ELMO1: variants seen among roughly 807,000 people sequenced by gnomAD.
The protein encoded by ELMO1 is engulfment and cell motility protein 1.
ELMO1 carries 26 observed loss-of-function variants against 98.9 expected under a neutral mutation model. That is an observed-to-expected ratio of 0.26 (90% CI 0.19 to 0.36). ELMO1 has a LOEUF of 0.36. Ranked by LOEUF, ELMO1 falls within the 10% of genes least tolerant of loss-of-function variation. The pLI is 1.00. For synonymous variants in ELMO1, 346 were observed against 346.0 expected, an observed-to-expected ratio of 1.00 and a Z score of 0.00; for missense variants, 627 against 935.2, an observed-to-expected ratio of 0.67 and a Z score of 4.30.
intron 1 of ELMO1, among the ~76,000 whole-genome samples, chr7:37,440,801 T>C (rs983110962): frequency 6.8e-6 from 1 of 146,230 alleles, no homozygotes; most frequent in Non-Finnish European, 1.5e-5. Flanking sequence ...AACTGTGGGG[T>C]GGGGAGAGTT....
intron 1 of ELMO1, among the ~76,000 whole-genome samples, chr7:37,424,299 G>A (rs1804616930): frequency 1.3e-5 from 2 of 152,176 alleles, no homozygotes; most frequent in African/African-American, 2.4e-5. Context: ...TTCTCATACT[G>A]TACGAACATT....
chr7:37,239,185 A>C (rs1394839210), intron 7 of ELMO1, among the ~76,000 whole-genome samples: 2 of 150,768 alleles, frequency 1.3e-5, no homozygotes, highest in East Asian at 3.9e-4. Context: ...TTTTTTTCTG[A>C]GATGGAGTCT....
intron 9 of ELMO1, among the ~76,000 whole-genome samples, chr7:37,223,190 C>T (rs1029520120): frequency 5.3e-5 from 8 of 152,076 alleles, no homozygotes; most frequent in African/African-American, 1.7e-4. Context: ...ACAAAAAGAA[C>T]AGGTGTTTGT....
At chr7:37,044,939 A>G (rs1584558813) in intron 15 of ELMO1, among the ~76,000 whole-genome samples, 1 of 152,182 alleles carries the variant, frequency 6.6e-6, no homozygotes, top group Non-Finnish European at 1.5e-5. Context: ...TTTAATTTCC[A>G]CGCTAGGTGT....
At chr7:36,898,422 GGT>G (rs147576173) in intron 16 of ELMO1, among the ~76,000 whole-genome samples, 2,888 of 152,266 alleles carry the variant, frequency 0.019, 85 homozygotes, top group African/African-American at 0.066. Flanking sequence ...CCATGTCAGT[GGT>G]GTGTTTCTGA....
At chr7:37,430,781 C>A (rs531607042) in intron 1 of ELMO1, among the ~76,000 whole-genome samples, 1 of 152,156 alleles carries the variant, frequency 6.6e-6, no homozygotes, top group Non-Finnish European at 1.5e-5. Context: ...TCTTGACAAC[C>A]ACACACTGGC....
intron 20 of ELMO1, among the ~76,000 whole-genome samples, chr7:36,865,545 A>G (rs545089635): frequency 1.1e-4 from 17 of 152,306 alleles, no homozygotes; most frequent in African/African-American, 4.1e-4. Flanking sequence ...TCTGAATTCA[A>G]CATTCCCAAT....
chr7:37,326,273 G>A (rs767761095), intron 2 of ELMO1, among the ~76,000 whole-genome samples: 7 of 152,076 alleles, frequency 4.6e-5, no homozygotes, highest in Non-Finnish European at 4.4e-5. Context: ...CTGAAAGATG[G>A]GCCAGGCACG....
At chr7:36,986,002 C>A in intron 16 of ELMO1, 1 of 1,002,704 alleles carries the variant, frequency 1.0e-6, no homozygotes. Flanking sequence ...TTAGAGTCGT[C>A]CCCCTGAAGA....
intron 16 of ELMO1, 140 bp downstream of exon 16, chr7:37,013,159 C>G: frequency 9.0e-7 from 1 of 1,113,484 alleles, no homozygotes; most frequent in Non-Finnish European, 1.3e-6. Flanking sequence ...TTGTCTTTCT[C>G]CATTCTTGAA....
At chr7:37,092,022 C>T (rs1471469531) in intron 15 of ELMO1, among the ~76,000 whole-genome samples, 3 of 152,124 alleles carry the variant, frequency 2.0e-5, no homozygotes, top group Non-Finnish European at 4.4e-5. Context: ...ACAGCCAAAC[C>T]ATATCATCCC....
intron 15 of ELMO1, among the ~76,000 whole-genome samples, chr7:37,043,881 T>C (rs553438400): frequency 5.3e-5 from 8 of 152,210 alleles, no homozygotes; most frequent in African/African-American, 1.9e-4. Flanking sequence ...CTGCTTTAGA[T>C]CAAGAACTCG....
At chr7:36,864,158 C>T (rs1304500067) in intron 20 of ELMO1, among the ~76,000 whole-genome samples, 4 of 152,156 alleles carry the variant, frequency 2.6e-5, no homozygotes, top group Non-Finnish European at 5.9e-5. Context: ...TGACAAGAGC[C>T]GGTGTGAACA....
At position 36,854,196 on chromosome 7, in the gene ELMO1, G is replaced by A. The variant is rs1393823628; in HGVS notation, c.*1355C>T. On this transcript the variant is annotated 3_prime_UTR_variant, in exon 22 of 22. Coordinates refer to ENST00000310758, the MANE Select transcript of ELMO1 (RefSeq NM_014800.11). ...CTATGGTGACCTAGCAATGGTGGAGGGTTTCCCACAGCAGTGTTTTTCAAA... is the reference window on the plus strand; with the variant it reads ...CTATGGTGACCTAGCAATGGTGGAGAGTTTCCCACAGCAGTGTTTTTCAAA... Among the ~76,000 whole-genome samples, 3 of 152,084 alleles carry A rather than the reference G, an allele frequency of 2.0e-5. No homozygotes were observed. The highest frequency in any genetic ancestry group is 6.5e-5 in the Admixed American group (1 of 15,270).
At chr7:36,871,033 TA>T (rs1803460454) in intron 19 of ELMO1, among the ~76,000 whole-genome samples, 1 of 152,246 alleles carries the variant, frequency 6.6e-6, no homozygotes, top group Non-Finnish European at 1.5e-5. Flanking sequence ...GCCATCTCAT[TA>T]ATTCTATAAA....
At chr7:37,090,043 G>A (rs1042901527) in intron 15 of ELMO1, among the ~76,000 whole-genome samples, 1 of 152,144 alleles carries the variant, frequency 6.6e-6, no homozygotes, top group African/African-American at 2.4e-5. Flanking sequence ...ACACCTAAAA[G>A]AGATCCACCG....
At chr7:37,312,575 T>G (rs1299901329) in intron 4 of ELMO1, among the ~76,000 whole-genome samples, 1 of 152,170 alleles carries the variant, frequency 6.6e-6, no homozygotes, top group East Asian at 1.9e-4. Context: ...CAAGTCCCAC[T>G]CACTCTGAGT....
chr7:37,371,735 G>A (rs1457420661), intron 1 of ELMO1, among the ~76,000 whole-genome samples: 1 of 152,166 alleles, frequency 6.6e-6, no homozygotes, highest in Non-Finnish European at 1.5e-5. Context: ...CAAGATAACA[G>A]CAGACTCTCC....
In ELMO1 at chr7:36,968,959, C is replaced by T. The variant is rs1293568189; in HGVS notation, c.1437+44340G>A. ...TGGCATGTGATGTTCTCACTGTCAT[C>T]ATTTTTGTAATCTTTAGTAGTAGTT... On this transcript the variant is annotated intron_variant, in intron 16 of 21. Coordinates refer to ENST00000310758, the MANE Select transcript of ELMO1 (RefSeq NM_014800.11). Among the ~76,000 whole-genome samples, 4 of 152,086 alleles carry T rather than the reference C, an allele frequency of 2.6e-5. No homozygotes were observed. The East Asian group carries it at 7.7e-4, about 29-fold the overall frequency.
Sources: allele counts gnomAD v4.1 joint callset (sites outside exome capture counted in the v4.1 genomes callset), GRCh38; gene constraint gnomAD v4.1.1; transcripts MANE v1.5; gene names NCBI Gene and HGNC (gene_info 2026-07-23, HGNC 2026-07-21).